Variants in SLC7A1 observed in about 807,000 individuals in gnomAD.
SLC7A1 encodes the protein high affinity cationic amino acid transporter 1.
In SLC7A1, 10 loss-of-function variants were observed where a neutral mutation model predicts 53.9. That is an observed-to-expected ratio of 0.19 (90% CI 0.11 to 0.31). The LOEUF (loss-of-function observed/expected upper bound fraction) is 0.31. SLC7A1 is among the 10% of genes least tolerant of loss of function. SLC7A1 has a pLI of 1.00. For missense variants in SLC7A1, 525 were observed against 827.2 expected (o/e 0.63, Z 4.48); for synonymous variants, 342 against 338.7 (o/e 1.01, Z -0.11).
chr13:29,590,245 C>T (rs967719360), intron 1 of SLC7A1, among the ~76,000 whole-genome samples: 4 of 152,190 alleles, frequency 2.6e-5, no homozygotes, highest in African/African-American at 4.8e-5. Flanking sequence ...GTGGGAAACA[C>T]GGCCCAGAGT....
At chr13:29,516,286 G>T (rs1334677229) in intron 11 of SLC7A1, 40 bp from the exon 12 acceptor site, 4 of 1,318,826 alleles carry the variant, frequency 3.0e-6, no homozygotes, top group South Asian at 1.2e-5. Flanking sequence ...TGGCAGTGGC[G>T]CCGGTTCCAA....
intron 1 of SLC7A1, among the ~76,000 whole-genome samples, chr13:29,588,459 G>A (rs551300775): frequency 4.0e-5 from 6 of 151,700 alleles, no homozygotes; most frequent in East Asian, 1.9e-4. Flanking sequence ...TCTGAGAGAC[G>A]GTACCCAGGA....
intron 4 of SLC7A1, among the ~76,000 whole-genome samples, chr13:29,532,467 T>G (rs189482539): frequency 6.6e-6 from 1 of 152,350 alleles, no homozygotes; most frequent in Admixed American, 6.5e-5. Context: ...ACAGTTTTGC[T>G]TTCCAAATGG....
At chr13:29,556,630 C>T (rs1263554987) in intron 1 of SLC7A1, among the ~76,000 whole-genome samples, 1 of 152,248 alleles carries the variant, frequency 6.6e-6, no homozygotes, top group Non-Finnish European at 1.5e-5. Flanking sequence ...CCACCTGCCT[C>T]AGCCTCTCAA....
At chr13:29,577,517 G>A (rs994814292) in intron 1 of SLC7A1, among the ~76,000 whole-genome samples, 2 of 152,194 alleles carry the variant, frequency 1.3e-5, no homozygotes, top group Admixed American at 6.5e-5. Context: ...AAGTAAAGGG[G>A]GACAGGTGGA....
intron 1 of SLC7A1, among the ~76,000 whole-genome samples, chr13:29,584,108 AC>A (rs199546995): frequency 1.7e-4 from 22 of 126,338 alleles, no homozygotes; most frequent in Non-Finnish European, 3.3e-4. Context: ...AATATTTGTA[AC>A]TTTTTTTTTC....
rs1201759413 is a variant in SLC7A1 at position 29,512,170 on chromosome 13, A to G, written c.*2310T>C. 1 of 152,066 alleles carries G rather than the reference A, an allele frequency of 6.6e-6. No individual in the cohort carries two copies. The highest frequency in any genetic ancestry group is 2.4e-5 in the African/African-American group (1 of 41,388). 9.4% of individuals were successfully genotyped at this position (152,066 alleles called of 1,614,324 possible). On this transcript the variant is annotated 3_prime_UTR_variant, in exon 13 of 13. Coordinates refer to ENST00000380752, the MANE Select transcript of SLC7A1 (RefSeq NM_003045.5). ...TGACCAGTGAACTATTATGCAAGGC[A>G]CCCCCACGTGTCCTTTCCTAACCAG...
intron 1 of SLC7A1, among the ~76,000 whole-genome samples, chr13:29,580,584 A>G (rs1593582532): frequency 6.6e-6 from 1 of 152,162 alleles, no homozygotes; most frequent in Admixed American, 6.5e-5. Context: ...CTGCTTCACT[A>G]AACAATCAAG....
At chr13:29,559,722 T>C (rs1870651267) in intron 1 of SLC7A1, among the ~76,000 whole-genome samples, 1 of 147,994 alleles carries the variant, frequency 6.8e-6, no homozygotes, top group Non-Finnish European at 1.5e-5. Context: ...TTGTAACTCT[T>C]TTTTTTTTTT....
chr13:29,556,075 A>C (rs1288243319), intron 1 of SLC7A1, among the ~76,000 whole-genome samples: 2 of 152,196 alleles, frequency 1.3e-5, no homozygotes, highest in African/African-American at 2.4e-5. Context: ...TGAAAAGGCC[A>C]CTAAAGTGTT....
chr13:29,529,056 C>T (rs561501151), intron 5 of SLC7A1, among the ~76,000 whole-genome samples: 1 of 152,292 alleles, frequency 6.6e-6, no homozygotes, highest in South Asian at 2.1e-4. Flanking sequence ...GTTACTTCAA[C>T]ACATATTTGG....
rs975227250 is a variant in SLC7A1, at chr13:29,512,020, A to G, written c.*2460T>C. On this transcript the variant is annotated 3_prime_UTR_variant, in exon 13 of 13. Transcript: ENST00000380752. ...TATTTCAGGGAAAGAAATGAGGGATATGATAAGAAAAAGTCTATTAAAATT... is the reference window on the plus strand; with the variant it reads ...TATTTCAGGGAAAGAAATGAGGGATGTGATAAGAAAAAGTCTATTAAAATT... 2.0e-5 allele frequency: 3 copies of G among 152,096 alleles called. No homozygotes were observed. Among genetic ancestry groups the G allele is most frequent in the African/African-American group, 7.2e-5 (3 of 41,408 alleles). 9.4% of individuals were successfully genotyped at this position (152,096 alleles called of 1,614,324 possible).
At chr13:29,515,783 G>T (rs1226262788) in intron 12 of SLC7A1, among the ~76,000 whole-genome samples, 1 of 152,224 alleles carries the variant, frequency 6.6e-6, no homozygotes, top group Admixed American at 6.5e-5. Context: ...CATCCACCCT[G>T]CCTGGGCCTA....
At chr13:29,514,852 G>A (rs1460371800) in intron 12 of SLC7A1, among the ~76,000 whole-genome samples, 2 of 152,230 alleles carry the variant, frequency 1.3e-5, no homozygotes, top group Non-Finnish European at 1.5e-5. Context: ...AGAGCAGCTG[G>A]GCCAGGGCCA....
chr13:29,530,689 C>G lies in SLC7A1; in HGVS notation c.553G>C (p.Glu185Gln). 1.2e-6 allele frequency: 2 copies of G among 1,614,148 alleles called. No individual in the cohort carries two copies. The highest frequency in any genetic ancestry group is 1.7e-6 in the Non-Finnish European group (2 of 1,180,010). The change falls in exon 5 of 13, where the codon GAG becomes CAG. Residue 185 changes from glutamate (E) to glutamine (Q), a missense_variant. Around this residue, in one of 4 missense-constraint regions of SLC7A1, gnomAD observed 354 missense variants for 587.5 expected, o/e 0.60. Coordinates refer to ENST00000380752, the MANE Select transcript of SLC7A1 (RefSeq NM_003045.5). ...LTGLLTLGVK[E>Q]SAMVNKIFTC... is the part of the protein sequence containing the mutation. ...AATATTTTGTTGACCATGGCCGACT[C>G]TTTCACACCAAGAGTTAAAAGTCCT... is the stretch of plus-strand genomic sequence containing the variant.
At chr13:29,522,698 C>T (rs1021530060) in intron 7 of SLC7A1, among the ~76,000 whole-genome samples, 5 of 152,220 alleles carry the variant, frequency 3.3e-5, no homozygotes, top group Non-Finnish European at 7.3e-5. Flanking sequence ...ATCTAACATA[C>T]ACTAGCATGA....
At position 29,513,575 on chromosome 13, in the gene SLC7A1, G is replaced by C. The variant is rs1415925709; in HGVS notation, c.*905C>G. The C allele has an allele frequency of 6.5e-6, 1 of 152,796 alleles. No homozygotes were observed. Among genetic ancestry groups the C allele is most frequent in the African/African-American group, 2.4e-5 (1 of 41,462 alleles). The allele number at this position is 152,796 out of a possible 1,614,324, so 9.5% of individuals were successfully genotyped here. ...AAAGCATGGGAGGGCAAGACTGAGTGAACGGTGGCGACTCACAGGAAACAG... is the reference window on the plus strand; with the variant it reads ...AAAGCATGGGAGGGCAAGACTGAGTCAACGGTGGCGACTCACAGGAAACAG... On this transcript the variant is annotated 3_prime_UTR_variant, in exon 13 of 13. Coordinates refer to ENST00000380752, the MANE Select transcript of SLC7A1 (RefSeq NM_003045.5).
At chr13:29,524,421 G>A (rs61948794) in intron 5 of SLC7A1, among the ~76,000 whole-genome samples, 168 bp from the exon 6 acceptor site, 111 of 152,338 alleles carry the variant, frequency 7.3e-4, no homozygotes, top group South Asian at 1.4e-3. Flanking sequence ...TGCTAACTCC[G>A]TGTGTGCAGG....
At chr13:29,592,104 T>C (rs757095354) in intron 1 of SLC7A1, among the ~76,000 whole-genome samples, 1 of 152,170 alleles carries the variant, frequency 6.6e-6, no homozygotes, top group Non-Finnish European at 1.5e-5. Flanking sequence ...GTTCCCAGTA[T>C]TGGTCCCAAC....
Sources: allele counts gnomAD v4.1 joint callset (sites outside exome capture counted in the v4.1 genomes callset), GRCh38; gene constraint gnomAD v4.1.1; regional missense constraint gnomAD v4.1.1; transcripts MANE v1.5; gene names NCBI Gene and HGNC (gene_info 2026-07-23, HGNC 2026-07-21).